CD48: variants seen among roughly 807,000 people sequenced by gnomAD.
CD48 encodes CD48 antigen.
CD48 carries 20 observed loss-of-function variants against 22.0 expected under a neutral mutation model. That is an observed-to-expected ratio of 0.91 (90% CI 0.64 to 1.32). The LOEUF is 1.32. Among genes scored for constraint, CD48 ranks in the 40% most tolerant of loss-of-function variants. CD48 has a pLI of 0.00. For missense variants in CD48, 307 were observed against 286.5 expected (o/e 1.07, Z -0.52); for synonymous variants, 110 against 110.1 (o/e 1.00, Z 0.01).
intron 1 of CD48, among the ~76,000 whole-genome samples, chr1:160,709,733 A>T (rs1456707255): frequency 6.6e-6 from 1 of 152,208 alleles, no homozygotes. Context: ...TCTCAGGAAG[A>T]TATGGATGTG....
intron 1 of CD48, among the ~76,000 whole-genome samples, chr1:160,711,421 G>A (rs766844059): frequency 2.0e-5 from 3 of 152,068 alleles, no homozygotes; most frequent in Non-Finnish European, 2.9e-5. Context: ...CACCAACCAC[G>A]GGACAAAATA....
chr1:160,682,283 TAA>T (rs56031713), intron 2 of CD48, among the ~76,000 whole-genome samples: 3 of 138,674 alleles, frequency 2.2e-5, no homozygotes, highest in Admixed American at 7.1e-5. Flanking sequence ...ACTCAGTTTC[TAA>T]AAAAAAAAAA....
chr1:160,688,381 T>G (rs1176860736), intron 1 of CD48, among the ~76,000 whole-genome samples: 1 of 152,216 alleles, frequency 6.6e-6, no homozygotes, highest in Non-Finnish European at 1.5e-5. Flanking sequence ...GGAATCCAGA[T>G]TCCTTCTCAA....
intron 1 of CD48, among the ~76,000 whole-genome samples, chr1:160,696,197 C>T (rs1662417308): frequency 6.6e-6 from 1 of 152,308 alleles, no homozygotes; most frequent in Non-Finnish European, 1.5e-5. Flanking sequence ...TATCAATCGG[C>T]TCAAAGAGCA....
intron 1 of CD48, among the ~76,000 whole-genome samples, chr1:160,690,632 C>A (rs1250743596): frequency 6.6e-6 from 1 of 152,092 alleles, no homozygotes; most frequent in Non-Finnish European, 1.5e-5. Flanking sequence ...TGGTATGAGA[C>A]CTAATATGTG....
chr1:160,689,630 G>A (rs1205537075), intron 1 of CD48, among the ~76,000 whole-genome samples: 2 of 152,228 alleles, frequency 1.3e-5, no homozygotes, highest in Non-Finnish European at 2.9e-5. Context: ...TGCCATCAGG[G>A]AGGATTGATT....
chr1:160,680,998 C>G (rs2102401956), intron 3 of CD48: 1 of 1,349,592 alleles, frequency 7.4e-7, no homozygotes. Flanking sequence ...GGTGAGAACA[C>G]TGAGCCCCCA....
intron 1 of CD48, among the ~76,000 whole-genome samples, chr1:160,693,255 G>A (rs1662292174): frequency 6.6e-6 from 1 of 152,280 alleles, no homozygotes; most frequent in African/African-American, 2.4e-5. Context: ...TTTGTGGCAA[G>A]GCTCCAAGAT....
At chr1:160,681,086 CTTAGGGA>C (rs1249497070) in intron 3 of CD48, 109 bp downstream of exon 3, 6 of 1,563,992 alleles carry the variant, frequency 3.8e-6, no homozygotes, top group Non-Finnish European at 5.2e-6. Flanking sequence ...TCCCAGACAC[CTTAGGGA>C]TTCACCACCA....
At chr1:160,707,628 G>A (rs1662831458) in intron 1 of CD48, among the ~76,000 whole-genome samples, 1 of 152,180 alleles carries the variant, frequency 6.6e-6, no homozygotes, top group African/African-American at 2.4e-5. Flanking sequence ...TGCAAAGAAG[G>A]AGGCACATGC....
At chr1:160,685,803 C>G (rs1661976990) in intron 1 of CD48, among the ~76,000 whole-genome samples, 1 of 152,234 alleles carries the variant, frequency 6.6e-6, no homozygotes, top group African/African-American at 2.4e-5. Context: ...GCATACAGAT[C>G]AATTTAACGT....
At chr1:160,702,667 C>A (rs993740727) in intron 1 of CD48, among the ~76,000 whole-genome samples, 4 of 152,112 alleles carry the variant, frequency 2.6e-5, no homozygotes, top group Admixed American at 6.6e-5. Flanking sequence ...AAGTTGGCCA[C>A]AATTATAGCA....
At chr1:160,703,274 G>A (rs1039474337) in intron 1 of CD48, among the ~76,000 whole-genome samples, 2 of 152,232 alleles carry the variant, frequency 1.3e-5, no homozygotes, top group African/African-American at 2.4e-5. Context: ...TCTAAGGGAA[G>A]TAAGTGACTT....
intron 1 of CD48, among the ~76,000 whole-genome samples, chr1:160,689,209 G>A (rs867396079): frequency 1.2e-4 from 18 of 152,202 alleles, no homozygotes; most frequent in Middle Eastern, 3.4e-3. Flanking sequence ...GGCACAGAGG[G>A]GGGTATTTAT....
At chr1:160,709,346 A>ATT (rs141050352) in intron 1 of CD48, among the ~76,000 whole-genome samples, 18 of 152,286 alleles carry the variant, frequency 1.2e-4, no homozygotes, top group Admixed American at 6.5e-4. Context: ...TTGCAAAGCA[A>ATT]TTGCACATTT....
rs1392341153 is a variant in CD48, at chr1:160,685,093, T to C, written c.179A>G (p.Tyr60Cys). The C allele has an allele frequency of 7.4e-6, 12 of 1,614,066 alleles. No homozygotes were observed. Among genetic ancestry groups the C allele is most frequent in the Non-Finnish European group, 9.3e-6 (11 of 1,180,006 alleles). Residue 60 changes from tyrosine to cysteine, a missense_variant, in exon 2 of 4, where the codon TAT (tyrosine) becomes TGT (cysteine). Tyr to Cys is a radical substitution (Grantham distance 194). Transcript: ENST00000368046. ...TTCTACAATCTTCTGGTCGAAAGTATAAAACCAGGTTAGTTGTTTGTAGTT... is the reference window on the plus strand; with the variant it reads ...TTCTACAATCTTCTGGTCGAAAGTACAAAACCAGGTTAGTTGTTTGTAGTT... The part of the protein sequence containing the change: ...PENYKQLTWF[Y>C]TFDQKIVEWD...
intron 3 of CD48, 89 bp downstream of exon 3, chr1:160,681,113 A>G (rs908698754): frequency 1.2e-6 from 2 of 1,600,328 alleles, no homozygotes; most frequent in Non-Finnish European, 1.7e-6. Context: ...ACACTGTGCA[A>G]GGAGGCTGAA....
chr1:160,711,580 C>G, intron 1 of CD48, 102 bp downstream of exon 1: 1 of 860,600 alleles, frequency 1.2e-6, no homozygotes, highest in Non-Finnish European at 1.9e-6. Flanking sequence ...GCTTTCCAGA[C>G]ACCAGATCTG....
chr1:160,710,222 G>A (rs930595230), intron 1 of CD48, among the ~76,000 whole-genome samples: 1 of 152,152 alleles, frequency 6.6e-6, no homozygotes, highest in Non-Finnish European at 1.5e-5. Flanking sequence ...TGTGCCCTTA[G>A]GAGAATTTCT....
Sources: allele counts gnomAD v4.1 joint callset (sites outside exome capture counted in the v4.1 genomes callset), GRCh38; gene constraint gnomAD v4.1.1; transcripts MANE v1.5; gene names NCBI Gene and HGNC (gene_info 2026-07-23, HGNC 2026-07-21).